Variants in ZDHHC14 observed in about 807,000 individuals in gnomAD.
ZDHHC14 encodes the protein zDHHC palmitoyltransferase 14.
ZDHHC14 carries 16 observed loss-of-function variants against 47.7 expected under a neutral mutation model. The observed-to-expected ratio is 0.34, with a 90% CI of 0.23 to 0.51. The LOEUF (loss-of-function observed/expected upper bound fraction) is 0.51, where lower values mean the gene tolerates loss of function less well. Among genes scored for constraint, ZDHHC14 ranks in the 20% least tolerant of loss-of-function variants. The pLI is 0.97. For missense variants in ZDHHC14, 515 were observed against 662.5 expected (o/e 0.78, Z 2.44); for synonymous variants, 293 against 278.9 (o/e 1.05, Z -0.50).
intron 1 of ZDHHC14, among the ~76,000 whole-genome samples, chr6:157,455,408 A>G (rs1778890253): frequency 6.6e-6 from 1 of 152,226 alleles, no homozygotes; most frequent in Non-Finnish European, 1.5e-5. Context: ...TGACGCTGGC[A>G]TGGGGGTTCC....
intron 1 of ZDHHC14, among the ~76,000 whole-genome samples, chr6:157,518,101 A>G (rs140320964): frequency 0.011 from 1,658 of 151,906 alleles, 19 homozygotes; most frequent in Non-Finnish European, 0.018. Context: ...AGCTTTGTTT[A>G]TTTTCCTGAA....
chr6:157,400,685 G>T (rs1266515961), intron 1 of ZDHHC14, among the ~76,000 whole-genome samples: 1 of 152,170 alleles, frequency 6.6e-6, no homozygotes, highest in Non-Finnish European at 1.5e-5. Flanking sequence ...TCGTACTCTT[G>T]TGTTCACCCT....
intron 2 of ZDHHC14, among the ~76,000 whole-genome samples, chr6:157,588,568 G>T (rs1266068398): frequency 6.6e-6 from 1 of 152,242 alleles, no homozygotes; most frequent in Non-Finnish European, 1.5e-5. Context: ...AGTGACAGCA[G>T]CCCTGCTTGG....
At chr6:157,664,720 G>A (rs889446415) in intron 8 of ZDHHC14, among the ~76,000 whole-genome samples, 1 of 152,192 alleles carries the variant, frequency 6.6e-6, no homozygotes, top group Non-Finnish European at 1.5e-5. Context: ...AGGTGTTCAT[G>A]ACCTCAGTGT....
At chr6:157,460,759 C>T (rs564118029) in intron 1 of ZDHHC14, among the ~76,000 whole-genome samples, 64 of 152,256 alleles carry the variant, frequency 4.2e-4, no homozygotes, top group Admixed American at 1.8e-3. Context: ...CACTGGGCCC[C>T]GTGTGGAAAC....
rs188061896 is a variant in ZDHHC14 at position 157,402,617 on chromosome 6, G to A, written c.245+20351G>A. On this transcript the variant is annotated intron_variant, in intron 1 of 8. Transcript: ENST00000359775. ...ATATCTCTTCAGTGTGAGATTTTTT[G>A]GACAATTTCTTGTTTTACACTTTAA... Among the ~76,000 whole-genome samples, 318 of 152,268 alleles carry A rather than the reference G, an allele frequency of 2.1e-3. 2 individuals are homozygous for A. Among genetic ancestry groups the A allele is most frequent in the South Asian group, 4.1e-3 (20 of 4,828 alleles).
At chr6:157,514,153 A>G (rs550334814) in intron 1 of ZDHHC14, among the ~76,000 whole-genome samples, 100 of 152,350 alleles carry the variant, frequency 6.6e-4, no homozygotes, top group African/African-American at 2.3e-3. Context: ...AGATTAAAAG[A>G]AAAACAGTTG....
chr6:157,492,742 G>A (rs1301176154), intron 1 of ZDHHC14, among the ~76,000 whole-genome samples: 1 of 152,230 alleles, frequency 6.6e-6, no homozygotes, highest in Non-Finnish European at 1.5e-5. Flanking sequence ...TGAGAGCCGG[G>A]AGGGGAAGAC....
At position 157,587,311 on chromosome 6, in the gene ZDHHC14, G is replaced by T. The variant is rs1412697662; in HGVS notation, c.407-5677G>T. Among the ~76,000 whole-genome samples the T allele has an allele frequency of 3.3e-5, 5 of 152,170 alleles. No homozygotes were observed. The South Asian group carries it at 8.3e-4, about 25-fold the overall frequency. Reference sequence around the variant, plus strand: ...TATCTTTGATGGATTCAAAGCCAGTGATTTCTATCCAGTGCTCAGGGGAAG... The same window carrying T: ...TATCTTTGATGGATTCAAAGCCAGTTATTTCTATCCAGTGCTCAGGGGAAG... On this transcript the variant is annotated intron_variant, in intron 2 of 8. Transcript: ENST00000359775.
intron 1 of ZDHHC14, among the ~76,000 whole-genome samples, chr6:157,429,882 A>G (rs1778301803): frequency 1.3e-5 from 2 of 152,312 alleles, no homozygotes; most frequent in African/African-American, 2.4e-5. Context: ...CCAGCAAGCC[A>G]GAGTTCAGGA....
At chr6:157,577,360 A>T (rs377353852) in intron 2 of ZDHHC14, among the ~76,000 whole-genome samples, 58 of 152,248 alleles carry the variant, frequency 3.8e-4, no homozygotes, top group Middle Eastern at 6.8e-3. Context: ...AATGATTTAT[A>T]TTTCTTTGGG....
intron 2 of ZDHHC14, among the ~76,000 whole-genome samples, chr6:157,592,526 CAAGT>C (rs1562496112): frequency 6.6e-6 from 1 of 152,174 alleles, no homozygotes; most frequent in African/African-American, 2.4e-5. Context: ...CTAGCAGTAA[CAAGT>C]AACACCCTAG....
At chr6:157,393,994 A>C (rs925569563) in intron 1 of ZDHHC14, among the ~76,000 whole-genome samples, 1 of 152,172 alleles carries the variant, frequency 6.6e-6, no homozygotes, top group Non-Finnish European at 1.5e-5. Context: ...TTGCCTGTAG[A>C]GATCTCTGCC....
chr6:157,551,644 T>C (rs1490085798), intron 2 of ZDHHC14, among the ~76,000 whole-genome samples: 1 of 152,196 alleles, frequency 6.6e-6, no homozygotes, highest in Non-Finnish European at 1.5e-5. Context: ...AGCACAGCCC[T>C]GGGGCCTTTC....
At chr6:157,593,668 G>C (rs1014815692) in intron 3 of ZDHHC14, among the ~76,000 whole-genome samples, 5 of 152,250 alleles carry the variant, frequency 3.3e-5, no homozygotes, top group Non-Finnish European at 7.3e-5. Context: ...ACTTCCGCCA[G>C]GACAGGCTAG....
At chr6:157,575,900 G>A (rs1292225819) in intron 2 of ZDHHC14, among the ~76,000 whole-genome samples, 1 of 152,234 alleles carries the variant, frequency 6.6e-6, no homozygotes, top group Non-Finnish European at 1.5e-5. Flanking sequence ...AAACTGGGCT[G>A]GAACACCATG....
chr6:157,398,412 C>T (rs1226038900), intron 1 of ZDHHC14, among the ~76,000 whole-genome samples: 1 of 152,292 alleles, frequency 6.6e-6, no homozygotes, highest in East Asian at 1.9e-4. Context: ...GCTGTTGCTG[C>T]TCTGTCCCCT....
At chr6:157,530,270 T>C (rs1781316852) in intron 1 of ZDHHC14, among the ~76,000 whole-genome samples, 1 of 152,202 alleles carries the variant, frequency 6.6e-6, no homozygotes, top group Non-Finnish European at 1.5e-5. Flanking sequence ...TGTCTTCTAA[T>C]TGAGCTGGAT....
chr6:157,626,185 A>G (rs1363473810), intron 3 of ZDHHC14, among the ~76,000 whole-genome samples: 1 of 152,122 alleles, frequency 6.6e-6, no homozygotes, highest in Non-Finnish European at 1.5e-5. Flanking sequence ...CTTTGCTGAT[A>G]GGCGATTTTC....
Sources: allele counts gnomAD v4.1 joint callset (sites outside exome capture counted in the v4.1 genomes callset), GRCh38; gene constraint gnomAD v4.1.1; transcripts MANE v1.5; gene names NCBI Gene and HGNC (gene_info 2026-07-23, HGNC 2026-07-21).